Variants in SP6 observed in about 807,000 individuals in gnomAD.
SP6 encodes the protein transcription factor Sp6.
Under a neutral mutation model 23.4 loss-of-function variants are expected in SP6, and 10 were observed. The ratio of observed to expected loss-of-function variants is 0.43; its 90% CI spans 0.26 to 0.72. The LOEUF is 0.72. Among genes scored for constraint, SP6 ranks in the 30% least tolerant of loss-of-function variants. The pLI, the probability that SP6 is intolerant of heterozygous loss-of-function variation, is 0.23. For missense variants in SP6, 482 were observed against 523.8 expected (o/e 0.92, Z 0.78); for synonymous variants, 238 against 238.7 (o/e 1.00, Z 0.03).
At chr17:47,858,046 G>C (rs1567963630), upstream of SP6, among the ~76,000 whole-genome samples, 1 of 151,938 alleles carries the variant, frequency 6.6e-6, no homozygotes, top group African/African-American at 2.4e-5. Context: ...CCAGACTTTC[G>C]TCTCCAGTGC....
At chr17:47,875,434 G>C in the SP6 span, among the ~76,000 whole-genome samples, 14 of 152,238 alleles carry the variant, frequency 9.2e-5, no homozygotes, top group South Asian at 2.9e-3. Context: ...AGCCTGGGGG[G>C]CCCCCTCTAG....
upstream of SP6, among the ~76,000 whole-genome samples, chr17:47,853,953 G>C (rs1375763545): frequency 1.3e-5 from 2 of 152,094 alleles, no homozygotes; most frequent in Non-Finnish European, 2.9e-5. Flanking sequence ...CCCACCGAAT[G>C]ACGGCGCATG....
chr17:47,850,465 G>A (rs1393877993), intron 1 of SP6, among the ~76,000 whole-genome samples: 2 of 152,144 alleles, frequency 1.3e-5, no homozygotes, highest in Admixed American at 1.3e-4. Context: ...TATGGTCCTT[G>A]ACCCACCTGC....
At chr17:47,849,752 C>T (rs564847846) in intron 1 of SP6, among the ~76,000 whole-genome samples, 4 of 152,374 alleles carry the variant, frequency 2.6e-5, no homozygotes, top group Admixed American at 6.5e-5. Flanking sequence ...AGACCCCCAA[C>T]GCTTTCTCAA....
chr17:47,860,700 CAA>C (rs57640996), upstream of SP6, among the ~76,000 whole-genome samples: 4,669 of 109,406 alleles, frequency 0.043, 215 homozygotes, highest in African/African-American at 0.16. Context: ...TCCGACTCTA[CAA>C]AAAAAAAAAA....
At chr17:47,868,628 C>G in the SP6 span, among the ~76,000 whole-genome samples, 13 of 152,356 alleles carry the variant, frequency 8.5e-5, no homozygotes, top group East Asian at 2.3e-3. Flanking sequence ...ACCCTCCTAA[C>G]CCCGACCATC....
intron 1 of SP6, among the ~76,000 whole-genome samples, chr17:47,850,115 G>A (rs1262980052): frequency 2.0e-5 from 3 of 152,208 alleles, no homozygotes; most frequent in Non-Finnish European, 2.9e-5. Flanking sequence ...GGCTGAGCGG[G>A]AGCTGTGAAG....
chr17:47,847,944 A>C lies in SP6; in HGVS notation c.486T>G (p.Cys162Trp). The change falls in exon 2 of 2, where the codon TGT becomes TGG. Residue 162 changes from cysteine to tryptophan, a missense_variant. Transcript: ENST00000536300. ...LGGYVGDHQL[C>W]APPPHPHAHH... ...GCGCATGCGGGTGGGGTGGCGGGGC[A>C]CAAAGCTGGTGGTCTCCGACGTAGC... 1 of 1,570,178 alleles carries C rather than the reference A, an allele frequency of 6.4e-7. No homozygotes were observed.
At chr17:47,851,617 C>G (rs2033957354), upstream of SP6, among the ~76,000 whole-genome samples, 1 of 152,176 alleles carries the variant, frequency 6.6e-6, no homozygotes, top group Non-Finnish European at 1.5e-5. Context: ...AAGAAGGAAA[C>G]AAGATTGAGC....
chr17:47,856,653 C>T (rs572563597), upstream of SP6, among the ~76,000 whole-genome samples: 21 of 152,282 alleles, frequency 1.4e-4, no homozygotes, highest in Non-Finnish European at 2.6e-4. Context: ...GGAAGGAGAA[C>T]GGAGATGAAA....
chr17:47,863,339 A>C, the SP6 span: 2 of 152,202 alleles, frequency 1.3e-5, no homozygotes, highest in Non-Finnish European at 2.9e-5. Context: ...ACTAGAATGT[A>C]AGCTTCATGG....
chr17:47,853,949 G>T (rs1202574601), upstream of SP6, among the ~76,000 whole-genome samples: 1 of 152,092 alleles, frequency 6.6e-6, no homozygotes. Context: ...TTTTCCCACC[G>T]AATGACGGCG....
Position 47,847,195 on chromosome 17 carries a change from T to C in SP6, c.*104A>G. ...CCACTTTTCCTCCTCCCTGAATAAA[T>C]ACGCACCTTCCCCTCTTCCTCAAGC... On this transcript the variant is annotated 3_prime_UTR_variant, in exon 2 of 2. Coordinates refer to ENST00000536300, the MANE Select transcript of SP6 (RefSeq NM_001258248.2). 1 of 1,211,864 alleles carries C rather than the reference T, an allele frequency of 8.3e-7. No individual in the cohort carries two copies. Among genetic ancestry groups the C allele is most frequent in the Non-Finnish European group, 1.1e-6 (1 of 894,112 alleles). 75.1% of individuals were successfully genotyped at this position (1,211,864 alleles called of 1,614,324 possible). A position where few individuals can be genotyped will look rare whatever the true frequency, so the allele number is the denominator to read the frequency against.
chr17:47,868,743 A>C, the SP6 span, among the ~76,000 whole-genome samples: 1 of 152,050 alleles, frequency 6.6e-6, no homozygotes, highest in Middle Eastern at 3.2e-3. Context: ...GCAGGTGCTG[A>C]GGCTGCCACG....
In SP6 at chr17:47,848,446, G is replaced by A; in HGVS notation, c.-17C>T. 1 of 1,490,748 alleles carries A rather than the reference G, an allele frequency of 6.7e-7. No individual in the cohort carries two copies. Among genetic ancestry groups the A allele is most frequent in the Non-Finnish European group, 9.0e-7 (1 of 1,116,700 alleles). The allele number at this position is 1,490,748 out of a possible 1,614,324, so 92.3% of individuals were successfully genotyped here. A position where few individuals can be genotyped will look rare whatever the true frequency, so the allele number is the denominator to read the frequency against. On this transcript the variant is annotated 5_prime_UTR_variant, in exon 2 of 2. Coordinates refer to ENST00000536300, the MANE Select transcript of SP6 (RefSeq NM_001258248.2). This position sits in a 1 kb window ranked among gnomAD's most constrained non-coding sequence, Gnocchi z 5.3. ...GGTTAGCATTGCCGGGATCCGGGGT[G>A]GGGTGAGGGCAGGGACGGTCAGGGG...
In SP6 at chr17:47,848,433, C is replaced by G; in HGVS notation, c.-4G>C. ...AGCCGCAGACAGCGGTTAGCATTGC[C>G]GGGATCCGGGGTGGGGTGAGGGCAG... On this transcript the variant is annotated 5_prime_UTR_variant, in exon 2 of 2. Transcript: ENST00000536300. The surrounding 1 kb of genome is among the most constrained non-coding windows in gnomAD (Gnocchi z 5.3). 1.3e-6 allele frequency: 2 copies of G among 1,497,958 alleles called. No individual in the cohort carries two copies. The highest frequency in any genetic ancestry group is 2.4e-4 in the Middle Eastern group (1 of 4,244). 92.8% of individuals were successfully genotyped at this position (1,497,958 alleles called of 1,614,324 possible). A position where few individuals can be genotyped will look rare whatever the true frequency, so the allele number is the denominator to read the frequency against.
chr17:47,854,813 G>A (rs937545040), upstream of SP6, among the ~76,000 whole-genome samples: 3 of 152,264 alleles, frequency 2.0e-5, no homozygotes, highest in African/African-American at 7.2e-5. Flanking sequence ...TAGAAGCAGA[G>A]CTGGGACCAG....
chr17:47,871,270 C>T, the SP6 span, among the ~76,000 whole-genome samples: 1 of 152,224 alleles, frequency 6.6e-6, no homozygotes. Flanking sequence ...CATCTGTCAT[C>T]ATTTATTGAG....
In SP6 at chr17:47,848,276, G is replaced by T; in HGVS notation, c.154C>A (p.Leu52Met). 1 of 1,611,992 alleles carries T rather than the reference G, an allele frequency of 6.2e-7. No individual in the cohort carries two copies. Among genetic ancestry groups the T allele is most frequent in the Non-Finnish European group, 8.5e-7 (1 of 1,179,098 alleles). The change falls in exon 2 of 2, where the codon CTG becomes ATG. Residue 52 changes from leucine (L) to methionine (M), a missense_variant. Transcript: ENST00000536300. This position sits in a 1 kb window ranked among gnomAD's most constrained non-coding sequence, Gnocchi z 5.3. ...TCCGGGCCCAGCGGGAGGCTCTGCA[G>T]CTCTCCAGGCTGCAGCGGGGAGGGG... ...DYPSPLQPGE[L>M]QSLPLGPEVD...
Sources: gnomAD v4.1 joint callset for allele counts (sites outside exome capture counted in the v4.1 genomes callset) on GRCh38, gnomAD v4.1.1 for gene constraint, Gnocchi (gnomAD v3.1) non-coding constraint, MANE v1.5 for transcripts, NCBI Gene and HGNC (gene_info 2026-07-23, HGNC 2026-07-21) for gene names.